Variants in PCDH9 observed in about 807,000 individuals in gnomAD.
PCDH9 encodes protocadherin 9, also known as protocadherin-9.
A neutral mutation model predicts 70.6 loss-of-function variants in PCDH9; 24 were observed. The ratio of observed to expected loss-of-function variants is 0.34; its 90% CI spans 0.25 to 0.48. The LOEUF (loss-of-function observed/expected upper bound fraction) is 0.48, where lower values mean the gene tolerates loss of function less well. Among genes scored for constraint, PCDH9 ranks in the 20% least tolerant of loss-of-function variants. The pLI is 0.99. For missense variants in PCDH9, 1,281 were observed against 1,503.6 expected, an observed-to-expected ratio of 0.85 and a Z score of 2.45; for synonymous variants, 562 against 558.5, an observed-to-expected ratio of 1.01 and a Z score of -0.09.
intron 4 of PCDH9, among the ~76,000 whole-genome samples, chr13:66,330,360 G>A (rs749456822): frequency 3.9e-5 from 6 of 152,192 alleles, no homozygotes; most frequent in South Asian, 2.1e-4. Context: ...ATATTTAGAA[G>A]CAGTTGTCTA....
chr13:66,425,044 T>A (rs1248617409), intron 4 of PCDH9, among the ~76,000 whole-genome samples: 2 of 151,864 alleles, frequency 1.3e-5, no homozygotes, highest in Non-Finnish European at 2.9e-5. Context: ...AGGCTAATAT[T>A]TCAGCTTACA....
chr13:66,315,054 A>G (rs1307216036), intron 4 of PCDH9, among the ~76,000 whole-genome samples: 1 of 152,176 alleles, frequency 6.6e-6, no homozygotes. Flanking sequence ...TCAATTGGCA[A>G]TTGCTGGCTT....
At chr13:66,799,640 C>T (rs1332459561) in intron 3 of PCDH9, among the ~76,000 whole-genome samples, 1 of 152,266 alleles carries the variant, frequency 6.6e-6, no homozygotes, top group African/African-American at 2.4e-5. Flanking sequence ...TGCCCTTTAA[C>T]ACAACTTACG....
At chr13:66,970,886 G>T (rs965485912) in intron 2 of PCDH9, among the ~76,000 whole-genome samples, 2 of 151,802 alleles carry the variant, frequency 1.3e-5, no homozygotes, top group African/African-American at 2.4e-5. Flanking sequence ...AACCTATATC[G>T]AATTCTTATG....
chr13:67,197,598 T>C (rs2089101932), intron 2 of PCDH9, among the ~76,000 whole-genome samples: 1 of 151,978 alleles, frequency 6.6e-6, no homozygotes, highest in South Asian at 2.1e-4. Flanking sequence ...AATATATATC[T>C]GCAGGTATAT....
chr13:66,726,729 C>G (rs2079010538), intron 3 of PCDH9, among the ~76,000 whole-genome samples: 1 of 152,162 alleles, frequency 6.6e-6, no homozygotes, highest in African/African-American at 2.4e-5. Flanking sequence ...ATGTTGGTAT[C>G]CAATGTCTTG....
chr13:66,713,166 G>A lies in PCDH9; in HGVS notation c.3139-81755C>T, dbSNP rs1013966125. 6.6e-5 allele frequency among the ~76,000 whole-genome samples: 10 copies of A among 152,186 alleles called. No homozygotes were observed. The East Asian group carries it at 1.9e-3, about 29-fold the overall frequency. On this transcript the variant is annotated intron_variant, in intron 3 of 4. Transcript: ENST00000377865. ...CAAGCTGAGCACGGAATGAGTTTCTGTGCTTTCAGAAAGGCAGGTACAGAC... is the reference window on the plus strand; with the variant it reads ...CAAGCTGAGCACGGAATGAGTTTCTATGCTTTCAGAAAGGCAGGTACAGAC...
intron 2 of PCDH9, chr13:67,205,240 T>C (rs1306574716): frequency 6.6e-6 from 1 of 152,214 alleles, no homozygotes; most frequent in African/African-American, 2.4e-5. Flanking sequence ...AATTAACAGG[T>C]GAATTTAACT....
intron 4 of PCDH9, among the ~76,000 whole-genome samples, chr13:66,491,576 C>T (rs995087474): frequency 6.6e-6 from 1 of 152,106 alleles, no homozygotes; most frequent in East Asian, 1.9e-4. Context: ...AGTTCGTATA[C>T]TTTCCACAAA....
At position 66,934,038 on chromosome 13, in the gene PCDH9, CT is replaced by C. The variant is rs746183135; in HGVS notation, c.3037-30434del. On this transcript the variant is annotated intron_variant, in intron 2 of 4. Transcript: ENST00000377865. ...GGCATTTATATAAATACAAATCATG[CT>C]GACAAATACACTCATCACACCTACA... Among the ~76,000 whole-genome samples, 48 of 152,132 alleles carry C rather than the reference CT, an allele frequency of 3.2e-4. No homozygotes were observed. In the Middle Eastern group the frequency reaches 0.01, roughly 32 times the overall value.
rs7986330 is a variant in PCDH9, at chr13:66,715,300, C to A, written c.3139-83889G>T. ...TAATGAGTAAATTTTTCTTTCAATT[C>A]TAAATGTTAATGTACTTCATTAAAG... On this transcript the variant is annotated intron_variant, in intron 3 of 4. Coordinates refer to ENST00000377865, the MANE Select transcript of PCDH9 (RefSeq NM_203487.3). Among the ~76,000 whole-genome samples the A allele has an allele frequency of 1.8e-3, 276 of 152,178 alleles. 1 individual carries two copies. The highest frequency in any genetic ancestry group is 6.5e-3 in the African/African-American group (269 of 41,512).
At chr13:67,107,418 A>G (rs942115662) in intron 2 of PCDH9, among the ~76,000 whole-genome samples, 1 of 152,192 alleles carries the variant, frequency 6.6e-6, no homozygotes, top group Non-Finnish European at 1.5e-5. Flanking sequence ...GCACTCAGCC[A>G]GACTCACAGA....
intron 2 of PCDH9, among the ~76,000 whole-genome samples, chr13:67,150,429 A>C (rs146647081): frequency 6.6e-6 from 1 of 152,316 alleles, no homozygotes; most frequent in African/African-American, 2.4e-5. Context: ...TATTAATTTT[A>C]TTAAGCCACA....
intron 3 of PCDH9, among the ~76,000 whole-genome samples, chr13:66,745,163 A>G (rs1282689350): frequency 5.9e-5 from 9 of 152,218 alleles, no homozygotes; most frequent in Non-Finnish European, 1.3e-4. Flanking sequence ...GCAATTAGAG[A>G]AATATCTGAC....
chr13:66,305,017 C>A lies in PCDH9; in HGVS notation c.3352G>T (p.Gly1118Cys). The A allele has an allele frequency of 1.9e-6, 3 of 1,607,822 alleles. No individual in the cohort carries two copies. The highest frequency in any genetic ancestry group is 1.7e-6 in the Non-Finnish European group (2 of 1,176,188). Residue 1118 changes from glycine to cysteine, a missense_variant, in exon 5 of 5, where the codon GGT becomes TGT. Physicochemically the swap from Gly to Cys is radical, Grantham distance 159 (BLOSUM62 -3). This residue lies in a region of PCDH9 where 264 missense variants were observed against 278.8 expected (regional missense o/e 0.95). Coordinates refer to ENST00000377865, the MANE Select transcript of PCDH9 (RefSeq NM_203487.3). The part of the protein sequence containing the change: ...NSDPNSDGPL[G>C]PRGLAEATEM... ...GTAGCTTCAGCTAATCCTCGGGGAC[C>A]CAAAGGCCCATCTGCAGAAGACAAG...
chr13:67,138,730 G>T (rs544386903), intron 2 of PCDH9, among the ~76,000 whole-genome samples: 1 of 152,142 alleles, frequency 6.6e-6, no homozygotes, highest in East Asian at 1.9e-4. Flanking sequence ...TCCTTGCTTT[G>T]TTTGTGCATT....
intron 4 of PCDH9, among the ~76,000 whole-genome samples, chr13:66,551,253 AG>A (rs1216190489): frequency 6.6e-6 from 1 of 152,146 alleles, no homozygotes; most frequent in Non-Finnish European, 1.5e-5. Flanking sequence ...TCTCCACCAA[AG>A]GGAAGCTAGA....
chr13:66,631,099 CA>C, intron 4 of PCDH9, 110 bp downstream of exon 4: 3 of 656,254 alleles, frequency 4.6e-6, no homozygotes, highest in Non-Finnish European at 5.5e-6. Context: ...ATAAAGCCAG[CA>C]AAAAAATAAC....
chr13:66,519,802 G>A (rs902068198), intron 4 of PCDH9, among the ~76,000 whole-genome samples: 1 of 151,960 alleles, frequency 6.6e-6, no homozygotes, highest in Non-Finnish European at 1.5e-5. Context: ...AGCAGCTCTC[G>A]GCCATTGGAA....
Sources: allele counts gnomAD v4.1 joint callset (sites outside exome capture counted in the v4.1 genomes callset), GRCh38; gene constraint gnomAD v4.1.1; regional missense constraint gnomAD v4.1.1; transcripts MANE v1.5; gene names NCBI Gene and HGNC (gene_info 2026-07-23, HGNC 2026-07-21).